Variants in GRIK4 observed in about 807,000 individuals in gnomAD.
GRIK4 encodes the protein glutamate ionotropic receptor kainate type subunit 4.
In GRIK4, 40 loss-of-function variants were observed where a neutral mutation model predicts 104.9. That is an observed-to-expected ratio of 0.38 (90% CI 0.30 to 0.50). GRIK4 has a LOEUF of 0.50. GRIK4 is among the 20% of genes least tolerant of loss of function. GRIK4 has a pLI of 0.93. For synonymous variants in GRIK4, 485 were observed against 524.9 expected, an observed-to-expected ratio of 0.92 and a Z score of 1.04; for missense variants, 1,047 against 1,308.1, an observed-to-expected ratio of 0.80 and a Z score of 3.08.
At chr11:120,809,116 G>A (rs1181085151) in intron 4 of GRIK4, among the ~76,000 whole-genome samples, 1 of 152,158 alleles carries the variant, frequency 6.6e-6, no homozygotes, top group Non-Finnish European at 1.5e-5. Flanking sequence ...CCGGAGGAGG[G>A]ACCCTGTGAA....
At chr11:120,906,809 C>T (rs181709529) in intron 13 of GRIK4, among the ~76,000 whole-genome samples, 2 of 152,260 alleles carry the variant, frequency 1.3e-5, no homozygotes, top group Admixed American at 1.3e-4. Flanking sequence ...AATGACCGAG[C>T]AGGGTAAAAT....
intron 13 of GRIK4, among the ~76,000 whole-genome samples, chr11:120,928,540 G>A (rs545483086): frequency 3.3e-5 from 5 of 152,294 alleles, no homozygotes; most frequent in African/African-American, 9.6e-5. Flanking sequence ...CCAGTGAATA[G>A]AAGCCTGTAA....
chr11:120,643,376 G>A (rs1309295525), intron 1 of GRIK4, among the ~76,000 whole-genome samples: 4 of 152,210 alleles, frequency 2.6e-5, no homozygotes, highest in Non-Finnish European at 4.4e-5. Context: ...TCAAGCACAG[G>A]CCCCAAGGTG....
chr11:120,570,620 A>AT (rs1208039228), intron 1 of GRIK4, among the ~76,000 whole-genome samples: 3 of 151,890 alleles, frequency 2.0e-5, no homozygotes, highest in South Asian at 2.1e-4. Flanking sequence ...ACACCTGGCT[A>AT]TTTTTTTGTT....
chr11:120,806,461 G>A (rs1221828408), intron 4 of GRIK4, among the ~76,000 whole-genome samples: 1 of 152,134 alleles, frequency 6.6e-6, no homozygotes, highest in Non-Finnish European at 1.5e-5. Flanking sequence ...GGGCTAATTT[G>A]CATCATTAAT....
At chr11:120,887,826 A>G (rs1160310901) in intron 11 of GRIK4, among the ~76,000 whole-genome samples, 1 of 152,220 alleles carries the variant, frequency 6.6e-6, no homozygotes, top group African/African-American at 2.4e-5. Context: ...TCAGGGCACT[A>G]TGCACAAGTC....
intron 3 of GRIK4, among the ~76,000 whole-genome samples, chr11:120,749,989 A>G (rs1434600392): frequency 1.3e-5 from 2 of 152,196 alleles, no homozygotes; most frequent in African/African-American, 4.8e-5. Flanking sequence ...AAGGCAGGCC[A>G]GCAGCCTTGG....
chr11:120,736,774 CTCTCTCT>C (rs1264305536), intron 3 of GRIK4, among the ~76,000 whole-genome samples: 22 of 150,896 alleles, frequency 1.5e-4, no homozygotes, highest in African/African-American at 5.1e-4. Context: ...CTCTCTCTCT[CTCTCTCT>C]CCCCTCACCC....
At chr11:120,648,123 G>T (rs555002235) in intron 1 of GRIK4, among the ~76,000 whole-genome samples, 2 of 152,200 alleles carry the variant, frequency 1.3e-5, no homozygotes, top group African/African-American at 4.8e-5. Flanking sequence ...AGCTAGGGAG[G>T]TTGAGGATTT....
chr11:120,943,210 G>C (rs1403356951), intron 14 of GRIK4, among the ~76,000 whole-genome samples: 1 of 150,850 alleles, frequency 6.6e-6, no homozygotes, highest in East Asian at 2.0e-4. Flanking sequence ...TGAAGCGCCA[G>C]GATGCCACGT....
chr11:120,648,126 G>A (rs1949567404), intron 1 of GRIK4, among the ~76,000 whole-genome samples: 1 of 152,224 alleles, frequency 6.6e-6, no homozygotes, highest in African/African-American at 2.4e-5. Context: ...TAGGGAGGTT[G>A]AGGATTTCCT....
At chr11:120,525,059 C>G (rs371599180) in intron 1 of GRIK4, among the ~76,000 whole-genome samples, 4 of 152,132 alleles carry the variant, frequency 2.6e-5, no homozygotes, top group African/African-American at 9.7e-5. Context: ...CTCAGTGGAT[C>G]CATGATGCCT....
chr11:120,526,692 TG>T (rs1157001497), intron 1 of GRIK4, among the ~76,000 whole-genome samples: 4 of 151,982 alleles, frequency 2.6e-5, no homozygotes, highest in Non-Finnish European at 4.4e-5. Flanking sequence ...ATTAACCAGG[TG>T]TGGTGGCACA....
intron 3 of GRIK4, among the ~76,000 whole-genome samples, chr11:120,664,055 G>A (rs59793896): frequency 0.031 from 4,745 of 152,276 alleles, 251 homozygotes; most frequent in African/African-American, 0.11. Context: ...AACACATGAT[G>A]CAAAGAAGTA....
chr11:120,938,686 A>G (rs1348784779), intron 13 of GRIK4, among the ~76,000 whole-genome samples: 1 of 152,216 alleles, frequency 6.6e-6, no homozygotes, highest in Non-Finnish European at 1.5e-5. Flanking sequence ...GTTGGACCAC[A>G]CTTCACTTTT....
chr11:120,916,522 C>T (rs11218059), intron 13 of GRIK4, among the ~76,000 whole-genome samples: 26,311 of 152,028 alleles, frequency 0.17, 3,010 homozygotes, highest in East Asian at 0.4. Context: ...GCCTGAAACA[C>T]GGTGAAGTGG....
chr11:120,908,706 A>G (rs893610619), intron 13 of GRIK4, among the ~76,000 whole-genome samples: 1 of 152,188 alleles, frequency 6.6e-6, no homozygotes, highest in Non-Finnish European at 1.5e-5. Flanking sequence ...GCCCTATGAA[A>G]TGATTGCCTC....
rs1206635605 is a variant in GRIK4 at position 120,572,797 on chromosome 11, T to C, written c.-159+60910T>C. ...AAAGGGAACAGCACTGATGGATTTG[T>C]GTCTTTCCCCTTTTCATTTCCGCTG... is the stretch of plus-strand genomic sequence containing the variant. On this transcript the variant is annotated intron_variant, in intron 1 of 20. Transcript: ENST00000527524. Among the ~76,000 whole-genome samples the C allele has an allele frequency of 2.6e-5, 4 of 152,206 alleles. No homozygotes were observed. In the East Asian group the frequency reaches 7.7e-4, roughly 29 times the overall value.
At chr11:120,588,001 C>G (rs1166894806) in intron 1 of GRIK4, among the ~76,000 whole-genome samples, 1 of 152,196 alleles carries the variant, frequency 6.6e-6, no homozygotes, top group Non-Finnish European at 1.5e-5. Context: ...AGTCACTTGG[C>G]TGCCGGGATT....
Sources: gnomAD v4.1 joint callset for allele counts (sites outside exome capture counted in the v4.1 genomes callset) on GRCh38, gnomAD v4.1.1 for gene constraint, MANE v1.5 for transcripts, NCBI Gene and HGNC (gene_info 2026-07-23, HGNC 2026-07-21) for gene names.